The following CSNK2A1 variants were observed in gnomAD, a reference collection of about 807,000 sequenced individuals.
CSNK2A1 encodes casein kinase II subunit alpha.
In CSNK2A1, 10 loss-of-function variants were observed where a neutral mutation model predicts 62.9. That is an observed-to-expected ratio of 0.16 (90% CI 0.10 to 0.27). The LOEUF (loss-of-function observed/expected upper bound fraction) is 0.27. Ranked by LOEUF, CSNK2A1 falls within the 10% of genes least tolerant of loss-of-function variation. CSNK2A1 has a pLI of 1.00. For missense variants in CSNK2A1, 160 were observed against 492.0 expected (o/e 0.33, Z 6.38); for synonymous variants, 124 against 167.8 (o/e 0.74, Z 2.02).
At chr20:491,280 C>T (rs2018230572) in intron 9 of CSNK2A1, among the ~76,000 whole-genome samples, 1 of 152,110 alleles carries the variant, frequency 6.6e-6, no homozygotes, top group South Asian at 2.1e-4. Flanking sequence ...AGAAAGAAGG[C>T]TTTTTGGGGG....
intron 3 of CSNK2A1, 118 bp from the exon 4 acceptor site, chr20:505,347 ATAGGT>A: frequency 1.8e-6 from 1 of 566,010 alleles, no homozygotes; most frequent in East Asian, 3.5e-5. Context: ...CAATTCCCAA[ATAGGT>A]TTTTTTTTTT....
At position 473,626 on chromosome 20, in the gene CSNK2A1, T is replaced by G. The variant is rs2017794248; in HGVS notation, c.*10335A>C. On this transcript the variant is annotated 3_prime_UTR_variant, in exon 14 of 14. Coordinates refer to ENST00000217244, the MANE Select transcript of CSNK2A1 (RefSeq NM_177559.3). ...TCTTCCAGATCTTGAGACATTTTAT[T>G]AAAACTTTCTCCAATCTTCTGTGTG... 1 of 152,236 alleles carries G rather than the reference T, an allele frequency of 6.6e-6. No individual in the cohort carries two copies. The highest frequency in any genetic ancestry group is 2.4e-5 in the African/African-American group (1 of 41,428). The allele number at this position is 152,236 out of a possible 1,614,324, so 9.4% of individuals were successfully genotyped here. A position where few individuals can be genotyped will look rare whatever the true frequency, so the allele number is the denominator to read the frequency against.
At position 484,205 on chromosome 20, in the gene CSNK2A1, C is replaced by T; in HGVS notation, c.1061-129G>A. 4 of 713,728 alleles carry T rather than the reference C, an allele frequency of 5.6e-6. No homozygotes were observed. In the South Asian group the frequency reaches 1.0e-4, roughly 19 times the overall value. The allele number at this position is 713,728 out of a possible 1,614,324, so 44.2% of individuals were successfully genotyped here. On this transcript the variant is annotated intron_variant, in intron 13 of 13. Transcript: ENST00000217244. ...AGACTTCCTCTTAGCTGGATTTTTA[C>T]ATATACTTCAAGTCTGACCCTCACA...
In CSNK2A1 at chr20:481,410, G is replaced by A. The variant is rs973119631; in HGVS notation, c.*2551C>T. On this transcript the variant is annotated 3_prime_UTR_variant, in exon 14 of 14. Transcript: ENST00000217244. ...CAGACACAGGTAGTGCTGAGAAATA[G>A]TGTCCCAATACAAGGTATACAGATG... 1 of 151,882 alleles carries A rather than the reference G, an allele frequency of 6.6e-6. No individual in the cohort carries two copies. The highest frequency in any genetic ancestry group is 1.5e-5 in the Non-Finnish European group (1 of 67,978). 9.4% of individuals were successfully genotyped at this position (151,882 alleles called of 1,614,324 possible).
chr20:499,321 A>G lies in CSNK2A1; in HGVS notation c.316-16T>C, dbSNP rs1005531286. On this transcript the variant is annotated splice_polypyrimidine_tract_variant and intron_variant, in intron 5 of 13. Transcript: ENST00000217244. The surrounding 1 kb of genome is among the most constrained non-coding windows in gnomAD (Gnocchi z 4.2). ...GGGTTCGTGACTAGGGGAAAAGAAC[A>G]AAAACAAAAACACACATTAGCAATA... 1 of 1,607,248 alleles carries G rather than the reference A, an allele frequency of 6.2e-7. No homozygotes were observed. Among genetic ancestry groups the G allele is most frequent in the Non-Finnish European group, 8.5e-7 (1 of 1,177,258 alleles).
At chr20:522,552 G>A (rs2018973392) in intron 2 of CSNK2A1, among the ~76,000 whole-genome samples, 1 of 152,174 alleles carries the variant, frequency 6.6e-6, no homozygotes, top group Non-Finnish European at 1.5e-5. Context: ...CAGACTGGAG[G>A]ATACTAAGGA....
intron 1 of CSNK2A1, chr20:539,123 C>G (rs1049177550): frequency 3.3e-5 from 5 of 152,154 alleles, no homozygotes; most frequent in Admixed American, 6.5e-5. Context: ...ATAAAACCAG[C>G]AAAACCCCTG....
At chr20:541,744 CT>C (rs768836090) in intron 1 of CSNK2A1, among the ~76,000 whole-genome samples, 1 of 151,994 alleles carries the variant, frequency 6.6e-6, no homozygotes, top group Non-Finnish European at 1.5e-5. Flanking sequence ...CATAACTAGG[CT>C]TTTTTTTATT....
In CSNK2A1 at chr20:478,510, C is replaced by G. The variant is rs189654630; in HGVS notation, c.*5451G>C. The G allele has an allele frequency of 6.3e-4, 146 of 233,244 alleles. 1 individual carries two copies. The highest frequency in any genetic ancestry group is 9.1e-4 in the Non-Finnish European group (103 of 112,952). The allele number at this position is 233,244 out of a possible 1,614,324, so 14.4% of individuals were successfully genotyped here. ...AAGAAAACTGTCAAAGCAGATGATG[C>G]AAGAGTGAAGCTGACTCAGAAATAC... On this transcript the variant is annotated 3_prime_UTR_variant, in exon 14 of 14. Transcript: ENST00000217244.
intron 8 of CSNK2A1, chr20:494,218 C>G (rs2018299931): frequency 6.6e-6 from 1 of 152,036 alleles, no homozygotes; most frequent in South Asian, 2.1e-4. Context: ...TTAGTAGAGA[C>G]AGGGTTTCAC....
chr20:539,211 G>A (rs138374317), intron 1 of CSNK2A1: 67 of 152,332 alleles, frequency 4.4e-4, no homozygotes, highest in African/African-American at 1.6e-3. Context: ...AAGTCAGTGG[G>A]CTTGACTGGG....
intron 1 of CSNK2A1, among the ~76,000 whole-genome samples, chr20:540,669 T>C (rs138732535): frequency 9.0e-4 from 137 of 152,298 alleles, no homozygotes; most frequent in Non-Finnish European, 1.6e-3. Flanking sequence ...TTTTCTATCA[T>C]GCCCCTCAAA....
rs957364160 is a variant in CSNK2A1, at chr20:492,128, A to G, written c.621+126T>C. 4.5e-6 allele frequency: 3 copies of G among 673,308 alleles called. No homozygotes were observed. In the African/African-American group the frequency reaches 5.5e-5, roughly 12 times the overall value. 41.7% of individuals were successfully genotyped at this position (673,308 alleles called of 1,614,324 possible). On this transcript the variant is annotated intron_variant, in intron 9 of 13. Transcript: ENST00000217244. ...GATTTATATTTTACATTTCATATAA[A>G]AAGGACAGCTGTGAATGTGCATTAA...
chr20:528,625 T>C (rs1288119058), intron 1 of CSNK2A1, among the ~76,000 whole-genome samples: 3 of 152,102 alleles, frequency 2.0e-5, no homozygotes, highest in African/African-American at 7.2e-5. Flanking sequence ...TGTTTTTTTT[T>C]CTGAGATGTC....
At chr20:536,691 T>C (rs776506021) in intron 1 of CSNK2A1, among the ~76,000 whole-genome samples, 1 of 152,214 alleles carries the variant, frequency 6.6e-6, no homozygotes, top group Admixed American at 6.5e-5. Flanking sequence ...TTTCAAAAAC[T>C]ACACCTAAGA....
intron 3 of CSNK2A1, among the ~76,000 whole-genome samples, chr20:505,508 T>C (rs533901215): frequency 1.2e-4 from 18 of 150,596 alleles, no homozygotes; most frequent in African/African-American, 2.7e-4. Flanking sequence ...CACAGGCGCC[T>C]GCCACCATGC....
chr20:541,730 A>T (rs1200499989), intron 1 of CSNK2A1, among the ~76,000 whole-genome samples: 4 of 152,186 alleles, frequency 2.6e-5, no homozygotes, highest in Non-Finnish European at 5.9e-5. Flanking sequence ...TCCACAAAGG[A>T]GTACATAACT....
chr20:485,198 T>A (rs1160617992), intron 13 of CSNK2A1, among the ~76,000 whole-genome samples: 1 of 143,830 alleles, frequency 7.0e-6, no homozygotes, highest in East Asian at 2.1e-4. Flanking sequence ...TCTCACTTTT[T>A]CTTTTGAGAC....
intron 2 of CSNK2A1, among the ~76,000 whole-genome samples, chr20:525,380 C>T (rs1600407788): frequency 6.6e-6 from 1 of 151,972 alleles, no homozygotes; most frequent in East Asian, 2.0e-4. Flanking sequence ...CGGCTGGGCG[C>T]AGTGGCTCAC....
Sources: allele counts gnomAD v4.1 joint callset (sites outside exome capture counted in the v4.1 genomes callset), GRCh38; gene constraint gnomAD v4.1.1; non-coding constraint Gnocchi (gnomAD v3.1); transcripts MANE v1.5; gene names NCBI Gene and HGNC (gene_info 2026-07-23, HGNC 2026-07-21).